Variants in THUMPD2 observed in about 807,000 individuals in gnomAD.
The protein encoded by THUMPD2 is THUMP domain 2 tRNA and snRNA guanosine methyltransferase, also known as U6 snRNA (guanine-N(2))-methyltransferase THUMPD2.
THUMPD2 carries 56 observed loss-of-function variants against 49.4 expected under a neutral mutation model. The observed-to-expected ratio is 1.13, with a 90% CI of 0.91 to 1.41. The LOEUF (loss-of-function observed/expected upper bound fraction) is 1.41. Ranked by LOEUF, THUMPD2 falls within the 40% of genes most tolerant of loss-of-function variation. THUMPD2 has a pLI of 0.00. For synonymous variants in THUMPD2, 237 were observed against 205.2 expected (o/e 1.15, Z -1.32); for missense variants, 709 against 594.5 (o/e 1.19, Z -2.00).
chr2:39,752,646 A>T (rs79036397), intron 8 of THUMPD2, among the ~76,000 whole-genome samples: 3 of 152,180 alleles, frequency 2.0e-5, no homozygotes, highest in Non-Finnish European at 4.4e-5. Context: ...TGTGATGATG[A>T]AACAACCTAA....
chr2:39,738,613 AAT>A (rs1673469532), intron 9 of THUMPD2, among the ~76,000 whole-genome samples: 1 of 118,804 alleles, frequency 8.4e-6, no homozygotes, highest in Non-Finnish European at 1.6e-5. Context: ...ATATATATAT[AAT>A]ATATATTATA....
chr2:39,755,320 A>C lies in THUMPD2; in HGVS notation c.1053T>G (p.Ile351Met), dbSNP rs1675960847. 4 of 1,544,906 alleles carry C rather than the reference A, an allele frequency of 2.6e-6. No individual in the cohort carries two copies. Among genetic ancestry groups the C allele is most frequent in the Non-Finnish European group, 3.5e-6 (4 of 1,158,040 alleles). ...CTATAACAGAGATTTTAAGTAATTC[A>C]ATTTTATCCTCAAGGCCTGCAGCTT... ...NLKAAGLEDK[I>M]ELLKISVIEL... Residue 351 changes from isoleucine to methionine, a missense_variant, in exon 8 of 10, where the codon ATT becomes ATG. By Grantham distance (10) the Ile-to-Met change is conservative. Transcript: ENST00000505747.
At chr2:39,761,272 G>A (rs1267257525) in intron 6 of THUMPD2, 59 bp downstream of exon 6, 1 of 1,443,132 alleles carries the variant, frequency 6.9e-7, no homozygotes. Flanking sequence ...ATAAGAGACT[G>A]TATAAGTTAA....
intron 1 of THUMPD2, among the ~76,000 whole-genome samples, chr2:39,773,396 A>T (rs1398406094): frequency 6.6e-6 from 1 of 151,808 alleles, no homozygotes; most frequent in Non-Finnish European, 1.5e-5. Flanking sequence ...TGATGCAAAC[A>T]TCTAGACCAG....
chr2:39,741,578 T>A (rs1388153641), intron 9 of THUMPD2, among the ~76,000 whole-genome samples: 2 of 152,212 alleles, frequency 1.3e-5, no homozygotes, highest in Non-Finnish European at 2.9e-5. Flanking sequence ...AACTCAAATG[T>A]ACTTCTCTGA....
chr2:39,746,439 G>C (rs1674605121), intron 8 of THUMPD2, among the ~76,000 whole-genome samples: 1 of 152,080 alleles, frequency 6.6e-6, no homozygotes, highest in African/African-American at 2.4e-5. Context: ...TTAGATGCAG[G>C]TACTCCTAGA....
At chr2:39,776,504 G>A (rs746918619) in intron 1 of THUMPD2, among the ~76,000 whole-genome samples, 5 of 150,692 alleles carry the variant, frequency 3.3e-5, no homozygotes, top group Non-Finnish European at 5.9e-5. Flanking sequence ...AGCAATTCTC[G>A]TGCCTCAGCC....
intron 9 of THUMPD2, among the ~76,000 whole-genome samples, chr2:39,743,713 G>A (rs1674211158): frequency 6.6e-6 from 1 of 152,106 alleles, no homozygotes; most frequent in Non-Finnish European, 1.5e-5. Flanking sequence ...CTTGCCTTCT[G>A]CCATGACTAG....
At chr2:39,750,350 T>A (rs552971126) in intron 8 of THUMPD2, among the ~76,000 whole-genome samples, 2 of 152,232 alleles carry the variant, frequency 1.3e-5, no homozygotes, top group African/African-American at 4.8e-5. Flanking sequence ...TAATGATCAG[T>A]GATGTTGAGC....
Position 39,779,122 on chromosome 2 carries a change from C to A in THUMPD2, c.118G>T (p.Ala40Ser). ...CAGCGAGGCCAACTCACCTGCGTGG[C>A]CGCCAGCCGCGCCCGCACCTCTCGC... ...VMREVRARLAATQVEYISGKV... is the reference protein window; with the variant it reads ...VMREVRARLASTQVEYISGKV... The change falls in exon 1 of 10, where the codon GCC becomes TCC. Residue 40 changes from alanine (A) to serine (S), a missense_variant. Coordinates refer to ENST00000505747, the MANE Select transcript of THUMPD2 (RefSeq NM_025264.5). The A allele has an allele frequency of 6.6e-7, 1 of 1,510,748 alleles. No individual in the cohort carries two copies. The highest frequency in any genetic ancestry group is 8.8e-7 in the Non-Finnish European group (1 of 1,135,996). The allele number at this position is 1,510,748 out of a possible 1,614,324, so 93.6% of individuals were successfully genotyped here.
At chr2:39,755,757 T>C (rs577700486) in intron 7 of THUMPD2, 132 bp downstream of exon 7, 92 of 422,906 alleles carry the variant, frequency 2.2e-4, no homozygotes, top group Admixed American at 3.5e-4. Flanking sequence ...TCATCTATTT[T>C]GAGTAAATAA....
intron 1 of THUMPD2, among the ~76,000 whole-genome samples, chr2:39,773,555 A>T (rs186838854): frequency 0.06 from 2,415 of 40,052 alleles, 24 homozygotes; most frequent in Non-Finnish European, 0.077. Flanking sequence ...ATTTATATTT[A>T]AAAATATATA....
At chr2:39,757,297 C>G in intron 6 of THUMPD2, 1 of 931,652 alleles carries the variant, frequency 1.1e-6, no homozygotes, top group Non-Finnish European at 1.5e-6. Flanking sequence ...AAGACATCCA[C>G]CACTTGATAT....
chr2:39,773,984 C>A (rs1558543729), intron 1 of THUMPD2, among the ~76,000 whole-genome samples: 1 of 152,214 alleles, frequency 6.6e-6, no homozygotes, highest in Admixed American at 6.5e-5. Flanking sequence ...CCAGCCAGGG[C>A]TACTGTCTGG....
intron 4 of THUMPD2, 147 bp from the exon 5 acceptor site, chr2:39,766,256 C>T (rs1346543019): frequency 1.0e-5 from 5 of 478,196 alleles, no homozygotes; most frequent in Non-Finnish European, 1.8e-5. Context: ...GAAAAATGTT[C>T]TATAATCTTT....
intron 6 of THUMPD2, chr2:39,757,383 C>A: frequency 1.5e-6 from 2 of 1,303,518 alleles, no homozygotes; most frequent in Non-Finnish European, 2.0e-6. Context: ...TGGAAAGAAA[C>A]AAAATGTTCT....
At chr2:39,741,696 T>C (rs1322970535) in intron 9 of THUMPD2, among the ~76,000 whole-genome samples, 1 of 152,160 alleles carries the variant, frequency 6.6e-6, no homozygotes, top group Non-Finnish European at 1.5e-5. Flanking sequence ...TATCTGACAA[T>C]CTTTAATTCT....
intron 6 of THUMPD2, among the ~76,000 whole-genome samples, chr2:39,760,186 G>A (rs948765857): frequency 6.6e-6 from 1 of 152,098 alleles, no homozygotes; most frequent in African/African-American, 2.4e-5. Context: ...AGAGAAAGGG[G>A]TAAAAATGTT....
At chr2:39,757,699 G>C (rs1033821065) in intron 6 of THUMPD2, among the ~76,000 whole-genome samples, 1 of 152,132 alleles carries the variant, frequency 6.6e-6, no homozygotes, top group African/African-American at 2.4e-5. Flanking sequence ...ATGTATTTCT[G>C]TATACTTACA....
Sources: allele counts gnomAD v4.1 joint callset (sites outside exome capture counted in the v4.1 genomes callset), GRCh38; gene constraint gnomAD v4.1.1; transcripts MANE v1.5; gene names NCBI Gene and HGNC (gene_info 2026-07-23, HGNC 2026-07-21).